The following ELK3 variants were observed in gnomAD, a reference collection of about 807,000 sequenced individuals.
The protein encoded by ELK3 is ETS transcription factor ELK3.
A neutral mutation model predicts 28.9 loss-of-function variants in ELK3; 10 were observed. The ratio of observed to expected loss-of-function variants is 0.35; its 90% CI spans 0.21 to 0.59. ELK3 has a LOEUF of 0.59. Among genes scored for constraint, ELK3 ranks in the 20% least tolerant of loss-of-function variants. The pLI is 0.82. For missense variants in ELK3, 463 were observed against 517.3 expected, an observed-to-expected ratio of 0.90 and a Z score of 1.02; for synonymous variants, 272 against 243.5, an observed-to-expected ratio of 1.12 and a Z score of -1.09.
intron 1 of ELK3, among the ~76,000 whole-genome samples, chr12:96,203,863 C>T (rs950463664): frequency 4.6e-5 from 7 of 152,266 alleles, no homozygotes; most frequent in Admixed American, 4.6e-4. Context: ...ATCGCTTGAA[C>T]CCGGGCGGTG....
intron 3 of ELK3, among the ~76,000 whole-genome samples, chr12:96,251,812 C>T (rs1400726905): frequency 6.6e-6 from 1 of 152,180 alleles, no homozygotes; most frequent in Admixed American, 6.5e-5. Flanking sequence ...GAGGTTGGTT[C>T]ATGAGGTTTA....
intron 2 of ELK3, among the ~76,000 whole-genome samples, chr12:96,236,052 C>G (rs1951780729): frequency 6.6e-6 from 1 of 152,128 alleles, no homozygotes; most frequent in Non-Finnish European, 1.5e-5. Flanking sequence ...TCTCGAACTT[C>G]TGACCTCAGT....
intron 1 of ELK3, among the ~76,000 whole-genome samples, chr12:96,206,280 T>C (rs948457795): frequency 3.9e-5 from 6 of 152,060 alleles, no homozygotes; most frequent in African/African-American, 9.7e-5. Flanking sequence ...AAGGGGCAAT[T>C]TTCTTTTTCT....
intron 3 of ELK3, among the ~76,000 whole-genome samples, chr12:96,252,167 TCA>T (rs1287864755): frequency 6.6e-6 from 1 of 152,222 alleles, no homozygotes; most frequent in East Asian, 1.9e-4. Context: ...ACATCTGTTT[TCA>T]CAGTTTATGG....
intron 4 of ELK3, among the ~76,000 whole-genome samples, chr12:96,262,074 A>G (rs1391302357): frequency 6.8e-6 from 1 of 146,664 alleles, no homozygotes; most frequent in Admixed American, 7.0e-5. Flanking sequence ...GCTGGAGTGC[A>G]GTGGTGTGAT....
intron 2 of ELK3, 122 bp downstream of exon 2, chr12:96,223,895 G>T (rs1045958005): frequency 7.1e-6 from 7 of 981,262 alleles, no homozygotes; most frequent in Non-Finnish European, 1.1e-5. Flanking sequence ...TAGGGGCAGT[G>T]CATACCTTCT....
At chr12:96,206,132 G>C (rs1000821865) in intron 1 of ELK3, among the ~76,000 whole-genome samples, 5 of 152,018 alleles carry the variant, frequency 3.3e-5, no homozygotes, top group African/African-American at 9.7e-5. Context: ...TCTTCCTTCA[G>C]CCTCTGCCAC....
At chr12:96,240,842 C>T (rs1951816044) in intron 2 of ELK3, among the ~76,000 whole-genome samples, 3 of 152,146 alleles carry the variant, frequency 2.0e-5, no homozygotes, top group South Asian at 2.1e-4. Flanking sequence ...GGGAGGAAAA[C>T]GGAAGATCAG....
chr12:96,266,301 A>G (rs1952028998), intron 4 of ELK3, among the ~76,000 whole-genome samples: 1 of 152,248 alleles, frequency 6.6e-6, no homozygotes, highest in Non-Finnish European at 1.5e-5. Flanking sequence ...GCTAGAAAAG[A>G]CAGCCCAGGA....
intron 2 of ELK3, among the ~76,000 whole-genome samples, chr12:96,246,682 C>T (rs1290591640): frequency 6.6e-6 from 1 of 152,156 alleles, no homozygotes; most frequent in South Asian, 2.1e-4. Context: ...TCATCATCAT[C>T]ATCTTCCTTA....
At chr12:96,248,551 C>CT (rs1264039913) in intron 3 of ELK3, among the ~76,000 whole-genome samples, 4 of 152,186 alleles carry the variant, frequency 2.6e-5, no homozygotes, top group African/African-American at 9.7e-5. Flanking sequence ...CAGTTCCTGG[C>CT]TACCCTGCTT....
At chr12:96,250,887 C>T (rs892020313) in intron 3 of ELK3, among the ~76,000 whole-genome samples, 9 of 152,150 alleles carry the variant, frequency 5.9e-5, no homozygotes, top group Admixed American at 2.0e-4. Flanking sequence ...TGGTTATTTC[C>T]AGCTAGAATC....
rs1555193024 is a variant in ELK3, at chr12:96,210,561, G to GCGCACACACACACA, written c.-2-13003_-2-13002insGCACACACACACAC. ...CTGTTCCACCGCCCTGCGCGCGGGC[G>GCGCACACACACACA]CACGCACACACACACACACACACAC... On this transcript the variant is annotated intron_variant, in intron 1 of 4. Transcript: ENST00000228741. Among the ~76,000 whole-genome samples, 222 of 144,838 alleles carry GCGCACACACACACA rather than the reference G, an allele frequency of 1.5e-3. 1 individual carries two copies. The highest frequency in any genetic ancestry group is 7.1e-3 in the Middle Eastern group (2 of 282).
At chr12:96,262,658 A>AACTG (rs1336814265) in intron 4 of ELK3, among the ~76,000 whole-genome samples, 1 of 152,230 alleles carries the variant, frequency 6.6e-6, no homozygotes, top group Admixed American at 6.5e-5. Flanking sequence ...TGAAAAGAGC[A>AACTG]ACTGAGTATG....
chr12:96,246,148 C>T (rs1405403189), intron 2 of ELK3, among the ~76,000 whole-genome samples: 2 of 152,178 alleles, frequency 1.3e-5, no homozygotes, highest in Admixed American at 1.3e-4. Flanking sequence ...TCATTGAATT[C>T]TTCTGACTCG....
rs1036551725 is a variant in ELK3, at chr12:96,214,324, G to A, written c.-2-9241G>A. Among the ~76,000 whole-genome samples the A allele has an allele frequency of 5.3e-5, 8 of 152,044 alleles. No homozygotes were observed. In the South Asian group the frequency reaches 1.2e-3, roughly 24 times the overall value. ...TGTGCGCCTGTAGTCCCAGCTACTCGGGAGGCTGAGGCACGAGAATCACTT... is the reference window on the plus strand; with the variant it reads ...TGTGCGCCTGTAGTCCCAGCTACTCAGGAGGCTGAGGCACGAGAATCACTT... On this transcript the variant is annotated intron_variant, in intron 1 of 4. Coordinates refer to ENST00000228741, the MANE Select transcript of ELK3 (RefSeq NM_005230.4).
At chr12:96,230,908 G>A (rs574391744) in intron 2 of ELK3, among the ~76,000 whole-genome samples, 22 of 152,260 alleles carry the variant, frequency 1.4e-4, no homozygotes, top group South Asian at 8.3e-4. Flanking sequence ...TAGAGGCTGC[G>A]GGGCAAACCC....
Position 96,247,541 on chromosome 12 carries a change from C to A in ELK3, c.809C>A (p.Ser270Tyr), listed in dbSNP as rs151152137. ...FLEAACHDSD[S>Y]LEPLNLSSGS... ...GAGGCCGCCTGCCATGACTCCGATT[C>A]CCTGGAGCCCTTGAACCTGTCATCG... The change falls in exon 3 of 5, where the codon TCC becomes TAC. Residue 270 changes from serine (S) to tyrosine (Y), a missense_variant. Ser to Tyr is a moderately radical substitution (Grantham distance 144). Around this residue, in one of 2 missense-constraint regions of ELK3, gnomAD observed 408 missense variants for 414.8 expected, o/e 0.98. Coordinates refer to ENST00000228741, the MANE Select transcript of ELK3 (RefSeq NM_005230.4). The surrounding 1 kb of genome is among the most constrained non-coding windows in gnomAD (Gnocchi z 5.5). 1.3e-4 allele frequency: 214 copies of A among 1,614,162 alleles called. No homozygotes were observed. The African/African-American group carries it at 2.4e-3, about 18-fold the overall frequency.
At chr12:96,264,824 A>G (rs1952017819) in intron 4 of ELK3, among the ~76,000 whole-genome samples, 1 of 152,192 alleles carries the variant, frequency 6.6e-6, no homozygotes, top group Non-Finnish European at 1.5e-5. Context: ...ACATTTATTG[A>G]TGATTGATGA....
Sources: gnomAD v4.1 joint callset for allele counts (sites outside exome capture counted in the v4.1 genomes callset) on GRCh38, gnomAD v4.1.1 for gene constraint, gnomAD v4.1.1 regional missense constraint, Gnocchi (gnomAD v3.1) non-coding constraint, MANE v1.5 for transcripts, NCBI Gene and HGNC (gene_info 2026-07-23, HGNC 2026-07-21) for gene names.